LPP: variants seen among roughly 807,000 people sequenced by gnomAD.
LPP encodes lipoma-preferred partner.
LPP carries 38 observed loss-of-function variants against 60.4 expected under a neutral mutation model. The observed-to-expected ratio is 0.63, with a 90% confidence interval of 0.49 to 0.83. The LOEUF (loss-of-function observed/expected upper bound fraction) is 0.83. Ranked by LOEUF, LPP falls within the 40% of genes least tolerant of loss-of-function variation. The pLI is 0.00. For missense variants in LPP, 902 were observed against 783.6 expected, an observed-to-expected ratio of 1.15 and a Z score of -1.80; for synonymous variants, 328 against 290.8, an observed-to-expected ratio of 1.13 and a Z score of -1.30.
chr3:188,745,280 G>A (rs774756758), intron 8 of LPP, among the ~76,000 whole-genome samples: 3 of 152,108 alleles, frequency 2.0e-5, no homozygotes, highest in Non-Finnish European at 4.4e-5. Flanking sequence ...CTGATGTCTA[G>A]TAAGCACTTG....
intron 3 of LPP, among the ~76,000 whole-genome samples, chr3:188,358,392 G>T (rs1204218072): frequency 3.9e-5 from 6 of 152,170 alleles, no homozygotes; most frequent in African/African-American, 1.4e-4. Flanking sequence ...GAAAGGATTA[G>T]GGAAGAAGTA....
At chr3:188,824,817 TC>T (rs1267449588) in intron 9 of LPP, among the ~76,000 whole-genome samples, 3 of 152,136 alleles carry the variant, frequency 2.0e-5, no homozygotes, top group Non-Finnish European at 4.4e-5. Flanking sequence ...TCATCTGAGT[TC>T]CGAAGTGAAA....
intron 1 of LPP, chr3:188,212,816 G>T (rs1406719092): frequency 1.3e-5 from 2 of 152,426 alleles, no homozygotes; most frequent in Non-Finnish European, 2.9e-5. Context: ...AGCTGCCTGT[G>T]GGGGCTGGAC....
At chr3:188,495,439 T>C (rs1267977805) in intron 5 of LPP, among the ~76,000 whole-genome samples, 1 of 151,846 alleles carries the variant, frequency 6.6e-6, no homozygotes, top group Non-Finnish European at 1.5e-5. Context: ...AAGGAACTTG[T>C]TTAGATCTCA....
At chr3:188,257,849 C>A (rs904248687) in intron 2 of LPP, among the ~76,000 whole-genome samples, 3 of 152,210 alleles carry the variant, frequency 2.0e-5, no homozygotes, top group Non-Finnish European at 4.4e-5. Context: ...TACTTAAGTT[C>A]AATTAGAAAG....
chr3:188,158,336 G>C (rs1185060441), intron 1 of LPP, among the ~76,000 whole-genome samples: 1 of 152,172 alleles, frequency 6.6e-6, no homozygotes, highest in Non-Finnish European at 1.5e-5. Flanking sequence ...CTAGTATCTG[G>C]GTGAAAATCT....
chr3:188,684,775 C>G (rs1005595783), intron 7 of LPP, among the ~76,000 whole-genome samples: 1 of 151,548 alleles, frequency 6.6e-6, no homozygotes, highest in Non-Finnish European at 1.5e-5. Context: ...CTAGTTCTCT[C>G]CCTGTGTTAC....
chr3:188,215,443 C>T lies in LPP; in HGVS notation c.-189-9962C>T, dbSNP rs1165724976. ...AAGCAACAGCTACCCATTTTCCTCTCCTCCAGCCCCTGGCATCCTCCATTC... is the reference window on the plus strand; with the variant it reads ...AAGCAACAGCTACCCATTTTCCTCTTCTCCAGCCCCTGGCATCCTCCATTC... On this transcript the variant is annotated intron_variant, in intron 1 of 11. Coordinates refer to ENST00000617246, the MANE Select transcript of LPP (RefSeq NM_001375462.1). 3.9e-5 allele frequency among the ~76,000 whole-genome samples: 6 copies of T among 152,296 alleles called. No homozygotes were observed. The East Asian group carries it at 1.2e-3, about 29-fold the overall frequency.
At chr3:188,669,479 A>G (rs112640827) in intron 7 of LPP, among the ~76,000 whole-genome samples, 12 of 152,072 alleles carry the variant, frequency 7.9e-5, no homozygotes, top group Non-Finnish European at 1.2e-4. Flanking sequence ...GGGAGGCTGA[A>G]GCAGGAGAAT....
chr3:188,345,913 A>C (rs1356161235), intron 3 of LPP, among the ~76,000 whole-genome samples: 1 of 152,148 alleles, frequency 6.6e-6, no homozygotes, highest in African/African-American at 2.4e-5. Flanking sequence ...GGCTCTAATT[A>C]ATTTGCTATG....
chr3:188,206,867 G>A (rs959806077), intron 1 of LPP, among the ~76,000 whole-genome samples: 4 of 152,120 alleles, frequency 2.6e-5, no homozygotes, highest in African/African-American at 9.7e-5. Flanking sequence ...AGTTCACAGG[G>A]TCATTGCTGG....
At chr3:188,862,263 C>G (rs1481477832) in intron 9 of LPP, among the ~76,000 whole-genome samples, 1 of 152,112 alleles carries the variant, frequency 6.6e-6, no homozygotes, top group African/African-American at 2.4e-5. Context: ...ACTATGGCTT[C>G]ATGGGAGGAG....
intron 2 of LPP, among the ~76,000 whole-genome samples, chr3:188,305,415 TG>T: frequency 6.6e-6 from 1 of 152,282 alleles, no homozygotes; most frequent in African/African-American, 2.4e-5. Flanking sequence ...ATAAGTATAA[TG>T]TGATGTGGAA....
In LPP at chr3:188,877,199, T is replaced by C. The variant is rs1266869915; in HGVS notation, c.*2720T>C. On this transcript the variant is annotated 3_prime_UTR_variant, in exon 12 of 12. Coordinates refer to ENST00000617246, the MANE Select transcript of LPP (RefSeq NM_001375462.1). ...TTTAAACAATGCCAAGTCACTCTTT[T>C]TTAGTTGCATGAAATTTTGCCTGCA... 5.7e-6 allele frequency: 1 copy of C among 175,702 alleles called. No homozygotes were observed. Among genetic ancestry groups the C allele is most frequent in the African/African-American group, 2.4e-5 (1 of 42,252 alleles). The allele number at this position is 175,702 out of a possible 1,614,324, so 10.9% of individuals were successfully genotyped here. A position where few individuals can be genotyped will look rare whatever the true frequency, so the allele number is the denominator to read the frequency against.
intron 2 of LPP, among the ~76,000 whole-genome samples, chr3:188,268,429 GT>G (rs1281084459): frequency 1.1e-4 from 17 of 152,222 alleles, no homozygotes; most frequent in Admixed American, 2.0e-4. Context: ...CTGCCATTTG[GT>G]TGAAGAACAT....
rs187866237 is a variant in LPP at position 188,879,663 on chromosome 3, A to G, written c.*5184A>G. 5.5e-6 allele frequency: 1 copy of G among 183,032 alleles called. No individual in the cohort carries two copies. Among genetic ancestry groups the G allele is most frequent in the African/African-American group, 2.3e-5 (1 of 42,584 alleles). The allele number at this position is 183,032 out of a possible 1,614,324, so 11.3% of individuals were successfully genotyped here. On this transcript the variant is annotated 3_prime_UTR_variant, in exon 12 of 12. Coordinates refer to ENST00000617246, the MANE Select transcript of LPP (RefSeq NM_001375462.1). ...TTAAGTCTGAAGCAATGTAACCCCA[A>G]AAAATTATAATTTTAATGATGGCAT...
chr3:188,177,054 T>G (rs1264804349), intron 1 of LPP, among the ~76,000 whole-genome samples: 1 of 152,200 alleles, frequency 6.6e-6, no homozygotes, highest in Non-Finnish European at 1.5e-5. Flanking sequence ...GAAGTATAAA[T>G]CTGCTTAGGA....
At chr3:188,380,363 T>C (rs1776540660) in intron 3 of LPP, among the ~76,000 whole-genome samples, 1 of 152,272 alleles carries the variant, frequency 6.6e-6, no homozygotes, top group Non-Finnish European at 1.5e-5. Context: ...TTTTGTCATA[T>C]TATGAGAAAG....
chr3:188,391,588 T>C (rs1779711049), intron 3 of LPP, among the ~76,000 whole-genome samples: 1 of 152,104 alleles, frequency 6.6e-6, no homozygotes, highest in Non-Finnish European at 1.5e-5. Flanking sequence ...ATGGACTGCA[T>C]GGAGCAGAAT....
Sources: gnomAD v4.1 joint callset for allele counts (sites outside exome capture counted in the v4.1 genomes callset) on GRCh38, gnomAD v4.1.1 for gene constraint, MANE v1.5 for transcripts, NCBI Gene and HGNC (gene_info 2026-07-23, HGNC 2026-07-21) for gene names.